SBNO2: variants seen among roughly 807,000 people sequenced by gnomAD.
SBNO2 encodes strawberry notch homolog 2.
Under a neutral mutation model 146.3 loss-of-function variants are expected in SBNO2, and 89 were observed. That is an observed-to-expected ratio of 0.61 (90% CI 0.51 to 0.73). SBNO2 has a LOEUF of 0.73. Ranked by LOEUF, SBNO2 falls within the 30% of genes least tolerant of loss-of-function variation. The pLI, the probability that SBNO2 is intolerant of heterozygous loss-of-function variation, is 0.00. For missense variants in SBNO2, 2,092 were observed against 2,003.7 expected (o/e 1.04, Z -0.84); for synonymous variants, 1,147 against 892.6 (o/e 1.29, Z -5.08).
At position 1,110,898 on chromosome 19, in the gene SBNO2, G is replaced by A. The variant is rs201620049; in HGVS notation, c.2885-10C>T. Reference sequence around the variant, plus strand: ...TTGGTGATGGAACAGTCTGGTAGGGGAGGGAGCCAAGCCTCAGGCTGCGCT... The same window carrying A: ...TTGGTGATGGAACAGTCTGGTAGGGAAGGGAGCCAAGCCTCAGGCTGCGCT... On this transcript the variant is annotated splice_polypyrimidine_tract_variant and intron_variant, in intron 25 of 31. Transcript: ENST00000361757. This position sits in a 1 kb window ranked among gnomAD's most constrained non-coding sequence, Gnocchi z 4.9. The A allele has an allele frequency of 4.3e-3, 6,878 of 1,613,150 alleles. 71 individuals are homozygous for A. The highest frequency in any genetic ancestry group is 0.018 in the South Asian group (1,627 of 91,084).
At chr19:1,123,068 C>A (rs1322602324) in intron 7 of SBNO2, 23 bp from the exon 8 acceptor site, 1 of 1,587,418 alleles carries the variant, frequency 6.3e-7, no homozygotes, top group Admixed American at 1.8e-5. Context: ...GGACGGAGGG[C>A]AAGGTAAAGG....
rs904830043 is a variant in SBNO2 at position 1,112,668 on chromosome 19, G to A, written c.2380-131C>T. ...CGGGGCAGCGAGAGGCCTGCGGGGC[G>A]CGGACACCACCCGCCACACGGCCAC... On this transcript the variant is annotated intron_variant, in intron 20 of 31. Transcript: ENST00000361757. This position sits in a 1 kb window ranked among gnomAD's most constrained non-coding sequence, Gnocchi z 5.9. 38 of 1,437,656 alleles carry A rather than the reference G, an allele frequency of 2.6e-5. No individual in the cohort carries two copies. Among genetic ancestry groups the A allele is most frequent in the Non-Finnish European group, 1.3e-5 (14 of 1,089,562 alleles). 89.1% of individuals were successfully genotyped at this position (1,437,656 alleles called of 1,614,324 possible). A position where few individuals can be genotyped will look rare whatever the true frequency, so the allele number is the denominator to read the frequency against.
Position 1,107,829 on chromosome 19 carries a change from C to T in SBNO2, c.*391G>A, listed in dbSNP as rs532838748. 3.1e-3 allele frequency: 480 copies of T among 157,074 alleles called. No homozygotes were observed. Among genetic ancestry groups the T allele is most frequent in the Non-Finnish European group, 5.5e-3 (393 of 70,938 alleles). The allele number at this position is 157,074 out of a possible 1,614,324, so 9.7% of individuals were successfully genotyped here. Reference sequence around the variant, plus strand: ...GAGAATTGCATATATTAGCAGGGGTCTGCCCCACGGAGCCCCCGAGACGCG... The same window carrying T: ...GAGAATTGCATATATTAGCAGGGGTTTGCCCCACGGAGCCCCCGAGACGCG... On this transcript the variant is annotated 3_prime_UTR_variant, in exon 32 of 32. Coordinates refer to ENST00000361757, the MANE Select transcript of SBNO2 (RefSeq NM_014963.3).
chr19:1,141,824 T>G (rs1374005783), intron 4 of SBNO2, among the ~76,000 whole-genome samples: 4 of 151,948 alleles, frequency 2.6e-5, no homozygotes, highest in Non-Finnish European at 5.9e-5. Flanking sequence ...GGTCTCACTA[T>G]GTTGCGCAGG....
In SBNO2 at chr19:1,140,411, C is replaced by A. The variant is rs1220703936; in HGVS notation, c.279+6898G>T. On this transcript the variant is annotated intron_variant, in intron 4 of 31. Transcript: ENST00000361757. The surrounding 1 kb of genome is among the most constrained non-coding windows in gnomAD (Gnocchi z 4.4). ...AGGACACACGGGGCTGAGCCATCACCCACCAGGGACATTGAGCCTGATGGC... is the reference window on the plus strand; with the variant it reads ...AGGACACACGGGGCTGAGCCATCACACACCAGGGACATTGAGCCTGATGGC... Among the ~76,000 whole-genome samples the A allele has an allele frequency of 6.6e-6, 1 of 152,192 alleles. No homozygotes were observed. The highest frequency in any genetic ancestry group is 6.5e-5 in the Admixed American group (1 of 15,288).
chr19:1,163,650 G>T (rs2080371946), intron 1 of SBNO2, among the ~76,000 whole-genome samples: 1 of 152,240 alleles, frequency 6.6e-6, no homozygotes, highest in South Asian at 2.1e-4. Flanking sequence ...CACGGGCAGA[G>T]GCCACCGCTC....
chr19:1,117,986 C>G (rs892970348), intron 14 of SBNO2, among the ~76,000 whole-genome samples: 14 of 152,218 alleles, frequency 9.2e-5, no homozygotes, highest in Non-Finnish European at 1.8e-4. Context: ...GGCCCCACCC[C>G]GGAGAGCAAC....
In SBNO2 at chr19:1,108,106, A is replaced by C. The variant is rs2145177172; in HGVS notation, c.*114T>G. ...GTCGGGCGCTGAAGGCACTGCGGCC[A>C]GGGCCTAGGGCTCCTCTGAGCAGTG... On this transcript the variant is annotated 3_prime_UTR_variant, in exon 32 of 32. Transcript: ENST00000361757. 2 of 1,189,160 alleles carry C rather than the reference A, an allele frequency of 1.7e-6. No individual in the cohort carries two copies. The highest frequency in any genetic ancestry group is 2.2e-6 in the Non-Finnish European group (2 of 914,652). The allele number at this position is 1,189,160 out of a possible 1,614,324, so 73.7% of individuals were successfully genotyped here.
chr19:1,154,743 A>G (rs1192953137), intron 1 of SBNO2, among the ~76,000 whole-genome samples: 1 of 152,126 alleles, frequency 6.6e-6, no homozygotes, highest in African/African-American at 2.4e-5. Context: ...ACTCCCCCAC[A>G]TCTGGCTTTG....
At position 1,109,904 on chromosome 19, in the gene SBNO2, A is replaced by G. The variant is rs2145185468; in HGVS notation, c.3029-127T>C. The G allele has an allele frequency of 2.9e-6, 2 of 701,248 alleles. No individual in the cohort carries two copies. The allele number at this position is 701,248 out of a possible 1,614,324, so 43.4% of individuals were successfully genotyped here. On this transcript the variant is annotated intron_variant, in intron 26 of 31. Transcript: ENST00000361757. This position sits in a 1 kb window ranked among gnomAD's most constrained non-coding sequence, Gnocchi z 4.2. ...GAGAGCACAGGAGAGGGTGTCCTGG[A>G]TCCTGGCCTGACCTGGCCCAGCGTG...
intron 19 of SBNO2, among the ~76,000 whole-genome samples, chr19:1,113,153 C>T (rs780251675): frequency 3.3e-5 from 5 of 152,128 alleles, no homozygotes; most frequent in African/African-American, 1.2e-4. Context: ...ATCAGCCAGC[C>T]GGCGCCACGA....
chr19:1,171,994 A>C (rs1224520351), intron 1 of SBNO2, among the ~76,000 whole-genome samples: 1 of 152,146 alleles, frequency 6.6e-6, no homozygotes, highest in African/African-American at 2.4e-5. Context: ...GGATGAGGGA[A>C]GCTCCTGCTG....
At chr19:1,128,861 G>C (rs868198402) in intron 4 of SBNO2, among the ~76,000 whole-genome samples, 1 of 151,832 alleles carries the variant, frequency 6.6e-6, no homozygotes, top group African/African-American at 2.4e-5. Context: ...CCAGCTACTC[G>C]GGGGGCTGAG....
intron 12 of SBNO2, 120 bp from the exon 13 acceptor site, chr19:1,119,741 A>G (rs2145216401): frequency 9.9e-7 from 1 of 1,012,976 alleles, no homozygotes. Flanking sequence ...ATGGGCCTGA[A>G]GAGAGCCAGC....
intron 4 of SBNO2, among the ~76,000 whole-genome samples, chr19:1,130,141 G>T (rs1335767248): frequency 1.3e-5 from 2 of 152,116 alleles, no homozygotes; most frequent in Non-Finnish European, 2.9e-5. Context: ...TGGGGTCCTG[G>T]GCAGGAAAGG....
At chr19:1,127,451 T>A in intron 5 of SBNO2, 153 bp downstream of exon 5, 1 of 732,938 alleles carries the variant, frequency 1.4e-6, no homozygotes, top group Non-Finnish European at 2.3e-6. Context: ...ACTAACCACC[T>A]CATCCATGGC....
rs907182731 is a variant in SBNO2 at position 1,120,012 on chromosome 19, G to A, written c.1161C>T (p.Asp387=). ...CGGCATTCTTGGCTTTGTGACACTCGTCGAACACGATCTGAGGCACACGTG... is the reference window on the plus strand; with the variant it reads ...CGGCATTCTTGGCTTTGTGACACTCATCGAACACGATCTGAGGCACACGTG... ...GEAFEGVIVF[D]ECHKAKNAGS... The change falls in exon 12 of 32, where the codon GAC becomes GAT. Residue 387 remains aspartate, a synonymous_variant. Coordinates refer to ENST00000361757, the MANE Select transcript of SBNO2 (RefSeq NM_014963.3). 17 of 1,551,000 alleles carry A rather than the reference G, an allele frequency of 1.1e-5. No individual in the cohort carries two copies. In the East Asian group the frequency reaches 1.5e-4, roughly 13 times the overall value.
At chr19:1,117,046 C>A in intron 15 of SBNO2, 120 bp from the exon 16 acceptor site, 1 of 981,978 alleles carries the variant, frequency 1.0e-6, no homozygotes, top group Non-Finnish European at 1.5e-6. Context: ...CTCGCCTCCC[C>A]AGGAGGGGCC....
chr19:1,139,377 AG>A (rs1180121239), intron 4 of SBNO2, among the ~76,000 whole-genome samples: 2 of 152,112 alleles, frequency 1.3e-5, no homozygotes, highest in African/African-American at 4.8e-5. Flanking sequence ...GGCCTCCTCT[AG>A]GGGGACAATG....
Sources: allele counts gnomAD v4.1 joint callset (sites outside exome capture counted in the v4.1 genomes callset), GRCh38; gene constraint gnomAD v4.1.1; non-coding constraint Gnocchi (gnomAD v3.1); transcripts MANE v1.5; gene names NCBI Gene and HGNC (gene_info 2026-07-23, HGNC 2026-07-21).